Variants in CNTN1 observed in about 807,000 individuals in gnomAD.
CNTN1 encodes the protein contactin 1, also known as contactin-1.
In CNTN1, 38 loss-of-function variants were observed where a neutral mutation model predicts 126.4. That is an observed-to-expected ratio of 0.30 (90% confidence interval 0.23 to 0.39). CNTN1 has a LOEUF of 0.39. Ranked by LOEUF, CNTN1 falls within the 10% of genes least tolerant of loss-of-function variation. The pLI is 1.00. For synonymous variants in CNTN1, 413 were observed against 422.6 expected (o/e 0.98, Z 0.28); for missense variants, 1,009 against 1,248.4 (o/e 0.81, Z 2.89).
intron 23 of CNTN1, among the ~76,000 whole-genome samples, chr12:41,064,997 C>T (rs930419213): frequency 2.1e-4 from 32 of 152,186 alleles, no homozygotes; most frequent in Non-Finnish European, 2.9e-5. Context: ...CCATGTGATA[C>T]TGTTCCCAAT....
chr12:40,797,461 G>A (rs192946394), intron 1 of CNTN1, among the ~76,000 whole-genome samples: 1 of 152,022 alleles, frequency 6.6e-6, no homozygotes, highest in Non-Finnish European at 1.5e-5. Context: ...TTAGGATAGA[G>A]TGGGAGAGTG....
intron 23 of CNTN1, among the ~76,000 whole-genome samples, chr12:41,059,222 C>T (rs1382353610): frequency 6.6e-6 from 1 of 151,634 alleles, no homozygotes; most frequent in African/African-American, 2.4e-5. Context: ...TACCAAATAC[C>T]AAAATACAGC....
intron 4 of CNTN1, among the ~76,000 whole-genome samples, chr12:40,921,765 C>T (rs896919542): frequency 6.6e-6 from 1 of 152,076 alleles, no homozygotes; most frequent in Admixed American, 6.6e-5. Flanking sequence ...CTCTAGTGGT[C>T]AGAATATGTC....
At chr12:41,065,762 G>A (rs574585848) in intron 23 of CNTN1, among the ~76,000 whole-genome samples, 47 of 152,234 alleles carry the variant, frequency 3.1e-4, no homozygotes, top group Non-Finnish European at 5.6e-4. Flanking sequence ...ACTTGGTGAG[G>A]AGGTCATGAT....
intron 14 of CNTN1, among the ~76,000 whole-genome samples, chr12:40,957,327 T>A (rs558427674): frequency 6.6e-6 from 1 of 151,822 alleles, no homozygotes; most frequent in Non-Finnish European, 1.5e-5. Context: ...GCCAACAAGA[T>A]GGCAGAGCAC....
chr12:40,698,810 A>ACTTCTCTAG (rs1941520934), intron 1 of CNTN1, among the ~76,000 whole-genome samples: 1 of 152,080 alleles, frequency 6.6e-6, no homozygotes, highest in Non-Finnish European at 1.5e-5. Flanking sequence ...GTACGTGGTA[A>ACTTCTCTAG]CTTCTCTAGA....
chr12:41,044,242 G>A (rs1949491765), intron 23 of CNTN1, among the ~76,000 whole-genome samples: 1 of 151,958 alleles, frequency 6.6e-6, no homozygotes, highest in Non-Finnish European at 1.5e-5. Context: ...TCAAAATGCA[G>A]GATTGTTTTG....
In CNTN1 at chr12:40,801,724, T is replaced by C. The variant is rs574680483; in HGVS notation, c.-76-106633T>C. Reference sequence around the variant, plus strand: ...TTGGTTAGGGGCCAACTGGATGTTTTATGCCATATTGAAGATTTAAAATAT... The same window carrying C: ...TTGGTTAGGGGCCAACTGGATGTTTCATGCCATATTGAAGATTTAAAATAT... On this transcript the variant is annotated intron_variant, in intron 1 of 23. Transcript: ENST00000551295. Among the ~76,000 whole-genome samples, 3 of 151,980 alleles carry C rather than the reference T, an allele frequency of 2.0e-5. No homozygotes were observed. The South Asian group carries it at 6.2e-4, about 32-fold the overall frequency.
At chr12:40,823,212 A>G (rs923299565) in intron 1 of CNTN1, among the ~76,000 whole-genome samples, 1 of 152,074 alleles carries the variant, frequency 6.6e-6, no homozygotes. Flanking sequence ...AATACTTTTT[A>G]TATAACAGGG....
chr12:40,937,020 A>T, intron 10 of CNTN1, 115 bp downstream of exon 10: 1 of 1,332,792 alleles, frequency 7.5e-7, no homozygotes, highest in Non-Finnish European at 1.1e-6. Flanking sequence ...TTGGGCCCTG[A>T]AATATAAAAG....
chr12:40,949,565 C>CTTT (rs1253759992), intron 14 of CNTN1, among the ~76,000 whole-genome samples: 1 of 97,558 alleles, frequency 1.0e-5, no homozygotes, highest in African/African-American at 3.9e-5. Context: ...CTTTTCTTTT[C>CTTT]TTTCTTTTTT....
chr12:40,712,697 C>A (rs564286139), intron 1 of CNTN1, among the ~76,000 whole-genome samples: 1 of 152,246 alleles, frequency 6.6e-6, no homozygotes, highest in Admixed American at 6.5e-5. Context: ...GCAGCATTAT[C>A]AGACAATAGC....
intron 1 of CNTN1, among the ~76,000 whole-genome samples, chr12:40,794,715 A>G (rs1465636194): frequency 6.6e-6 from 1 of 152,074 alleles, no homozygotes; most frequent in Non-Finnish European, 1.5e-5. Context: ...TTCTGAAAAA[A>G]GAGACGGGAA....
intron 1 of CNTN1, among the ~76,000 whole-genome samples, chr12:40,793,807 C>T (rs1940309862): frequency 6.6e-6 from 1 of 152,040 alleles, no homozygotes; most frequent in East Asian, 1.9e-4. Context: ...CTCCTTTCTG[C>T]TTGCTCTGAA....
chr12:40,959,078 T>G, intron 14 of CNTN1, 36 bp from the exon 15 acceptor site: 1 of 1,610,916 alleles, frequency 6.2e-7, no homozygotes, highest in Non-Finnish European at 8.5e-7. Flanking sequence ...TGGTGAAAAA[T>G]GTACTGATTT....
chr12:40,775,194 A>G (rs1323310977), intron 1 of CNTN1, among the ~76,000 whole-genome samples: 2 of 151,352 alleles, frequency 1.3e-5, no homozygotes, highest in Non-Finnish European at 3.0e-5. Flanking sequence ...GATCTACTAT[A>G]TGGAGGAGAG....
intron 14 of CNTN1, among the ~76,000 whole-genome samples, chr12:40,950,207 T>TATC (rs1378264891): frequency 6.6e-6 from 1 of 151,796 alleles, no homozygotes; most frequent in Admixed American, 6.6e-5. Flanking sequence ...AACCTAGTAT[T>TATC]ATCTGGCCCA....
At chr12:40,718,166 G>GT (rs1240511176) in intron 1 of CNTN1, among the ~76,000 whole-genome samples, 1 of 151,740 alleles carries the variant, frequency 6.6e-6, no homozygotes, top group Non-Finnish European at 1.5e-5. Flanking sequence ...TTCATGAAAG[G>GT]TTTTTTGTTT....
intron 14 of CNTN1, among the ~76,000 whole-genome samples, chr12:40,945,799 G>A (rs1371792879): frequency 1.3e-5 from 2 of 151,396 alleles, no homozygotes; most frequent in East Asian, 1.9e-4. Context: ...CCATAAAAAT[G>A]TAAAAGACCT....
Sources: allele counts gnomAD v4.1 joint callset (sites outside exome capture counted in the v4.1 genomes callset), GRCh38; gene constraint gnomAD v4.1.1; transcripts MANE v1.5; gene names NCBI Gene and HGNC (gene_info 2026-07-23, HGNC 2026-07-21).